The following DCC variants were observed in gnomAD, a reference collection of about 807,000 sequenced individuals.
The protein encoded by DCC is DCC netrin 1 receptor, also known as netrin receptor DCC.
In DCC, 58 loss-of-function variants were observed where a neutral mutation model predicts 172.5. The observed-to-expected ratio is 0.34, with a 90% CI of 0.27 to 0.42. The LOEUF (loss-of-function observed/expected upper bound fraction) is 0.42. Ranked by LOEUF, DCC falls within the 10% of genes least tolerant of loss-of-function variation. The pLI, the probability that DCC is intolerant of heterozygous loss-of-function variation, is 1.00. For synonymous variants in DCC, 709 were observed against 644.5 expected (o/e 1.10, Z -1.52); for missense variants, 1,740 against 1,791.0 (o/e 0.97, Z 0.51).
chr18:52,503,749 C>A (rs1156784179), intron 1 of DCC, among the ~76,000 whole-genome samples: 1 of 152,064 alleles, frequency 6.6e-6, no homozygotes, highest in Non-Finnish European at 1.5e-5. Context: ...ACCAAGAGAA[C>A]CCTCTTGTTT....
At chr18:52,608,776 C>T (rs573245877) in intron 1 of DCC, among the ~76,000 whole-genome samples, 14 of 152,302 alleles carry the variant, frequency 9.2e-5, no homozygotes, top group African/African-American at 3.4e-4. Context: ...GGTAAACATA[C>T]ATTCTCAAAT....
intron 6 of DCC, among the ~76,000 whole-genome samples, chr18:53,063,794 G>A (rs1487926633): frequency 6.6e-6 from 1 of 152,172 alleles, no homozygotes; most frequent in African/African-American, 2.4e-5. Context: ...CCTAGTTCTA[G>A]ACTTAAGCCA....
chr18:53,142,064 C>G (rs1448240852), intron 7 of DCC, among the ~76,000 whole-genome samples: 1 of 152,236 alleles, frequency 6.6e-6, no homozygotes, highest in African/African-American at 2.4e-5. Context: ...CAACTGTCTT[C>G]CCACCCTGCC....
chr18:53,319,569 A>AT (rs2057384227), intron 13 of DCC, among the ~76,000 whole-genome samples: 1 of 152,256 alleles, frequency 6.6e-6, no homozygotes, highest in African/African-American at 2.4e-5. Context: ...TAAAACAGGT[A>AT]TATCAGTCAG....
At chr18:52,936,502 T>C (rs569055836) in intron 5 of DCC, among the ~76,000 whole-genome samples, 1 of 122,150 alleles carries the variant, frequency 8.2e-6, no homozygotes, top group African/African-American at 2.8e-5. Context: ...TTGCTTTGCA[T>C]ATATTATTGA....
At chr18:52,964,221 T>C (rs1021158339) in intron 5 of DCC, among the ~76,000 whole-genome samples, 2 of 152,174 alleles carry the variant, frequency 1.3e-5, no homozygotes, top group Non-Finnish European at 2.9e-5. Context: ...TAATCTGTTA[T>C]GATTGTAATT....
chr18:52,876,559 T>G (rs2039406334), intron 2 of DCC, among the ~76,000 whole-genome samples: 1 of 152,246 alleles, frequency 6.6e-6, no homozygotes, highest in Admixed American at 6.5e-5. Context: ...GAACTGTGCT[T>G]TATAGTGACA....
intron 2 of DCC, 91 bp from the exon 3 acceptor site, chr18:52,905,950 AATT>A: frequency 1.1e-6 from 1 of 910,126 alleles, no homozygotes; most frequent in South Asian, 1.4e-5. Flanking sequence ...TGTAAAATAT[AATT>A]TTCTACAAAG....
intron 1 of DCC, among the ~76,000 whole-genome samples, chr18:52,487,839 G>A (rs1051433407): frequency 2.4e-5 from 3 of 126,966 alleles, no homozygotes; most frequent in African/African-American, 8.4e-5. Context: ...AAAAAAAATT[G>A]GAGGAAGCAC....
rs543041364 is a variant in DCC at position 52,523,645 on chromosome 18, A to AC, written c.91+182768dup. ...CCTCTGGTTACTTGTTTATTGGGCA[A>AC]CTTAATCTAAAAAGGTTCTTTCATG... On this transcript the variant is annotated intron_variant, in intron 1 of 28. Transcript: ENST00000442544. 3.5e-4 allele frequency among the ~76,000 whole-genome samples: 53 copies of AC among 152,312 alleles called. No individual in the cohort carries two copies. In the East Asian group the frequency reaches 4.1e-3, roughly 12 times the overall value.
At chr18:53,275,061 A>G (rs2056790217) in intron 12 of DCC, among the ~76,000 whole-genome samples, 1 of 152,136 alleles carries the variant, frequency 6.6e-6, no homozygotes, top group African/African-American at 2.4e-5. Flanking sequence ...AATAAAGATA[A>G]TTAATATTTG....
At chr18:52,977,070 T>A (rs539525469) in intron 5 of DCC, among the ~76,000 whole-genome samples, 2 of 152,304 alleles carry the variant, frequency 1.3e-5, no homozygotes, top group African/African-American at 4.8e-5. Flanking sequence ...AATGCCCTAG[T>A]CTAGGTAATA....
intron 2 of DCC, among the ~76,000 whole-genome samples, chr18:52,903,984 C>T (rs958229039): frequency 1.3e-5 from 2 of 152,116 alleles, no homozygotes; most frequent in African/African-American, 4.8e-5. Context: ...CGTTCTTCAC[C>T]CAGTGGTAGA....
intron 7 of DCC, among the ~76,000 whole-genome samples, chr18:53,069,552 A>AG (rs1236032275): frequency 6.6e-6 from 1 of 151,676 alleles, no homozygotes; most frequent in African/African-American, 2.4e-5. Flanking sequence ...CAACTCCAGC[A>AG]GGGGTCCAGT....
chr18:52,409,197 A>G (rs1011893814), intron 1 of DCC: 1 of 152,138 alleles, frequency 6.6e-6, no homozygotes, highest in Non-Finnish European at 1.5e-5. Context: ...CACCTGCCTC[A>G]GGCACAGGAT....
Position 53,157,360 on chromosome 18 carries a change from C to A in DCC, c.1266C>A (p.Ile422=), listed in dbSNP as rs745853297. 4 of 1,613,960 alleles carry A rather than the reference C, an allele frequency of 2.5e-6. No homozygotes were observed. The highest frequency in any genetic ancestry group is 3.4e-6 in the Non-Finnish European group (4 of 1,179,982). The stretch of plus-strand genomic sequence containing the variant: ...CCTCCTCTTCTTTCTCCTTAGCTAT[C>A]CCAAGCTCCAGTGTCCTCCCTTCGG... ...SAQLIVPKPA[I]PSSSVLPSAP... Residue 422 remains isoleucine (I), a synonymous_variant, in exon 8 of 29, where the codon ATC becomes ATA. Transcript: ENST00000442544.
intron 1 of DCC, among the ~76,000 whole-genome samples, chr18:52,422,887 C>G (rs972070906): frequency 6.6e-6 from 1 of 152,180 alleles, no homozygotes; most frequent in Non-Finnish European, 1.5e-5. Context: ...ACTAGTCTGT[C>G]TTCCAGTGCT....
At chr18:52,721,767 G>A (rs2036477115) in intron 1 of DCC, among the ~76,000 whole-genome samples, 1 of 152,158 alleles carries the variant, frequency 6.6e-6, no homozygotes. Context: ...GCTCATGCCT[G>A]TAATCTGAAC....
At chr18:52,500,172 G>A (rs536181800) in intron 1 of DCC, among the ~76,000 whole-genome samples, 1 of 151,444 alleles carries the variant, frequency 6.6e-6, no homozygotes, top group South Asian at 2.1e-4. Context: ...AAGTGTTCTT[G>A]ATGTGTTACA....
Sources: allele counts gnomAD v4.1 joint callset (sites outside exome capture counted in the v4.1 genomes callset), GRCh38; gene constraint gnomAD v4.1.1; transcripts MANE v1.5; gene names NCBI Gene and HGNC (gene_info 2026-07-23, HGNC 2026-07-21).